The following CFAP97D2 variants were observed in gnomAD, a reference collection of about 807,000 sequenced individuals.
CFAP97D2 encodes CFAP97 domain containing 2, also known as uncharacterized protein CFAP97D2.
At chr13:114,190,313 GAAAAGGAAAT>G (rs1446257216) in intron 1 of CFAP97D2, among the ~76,000 whole-genome samples, 2 of 152,108 alleles carry the variant, frequency 1.3e-5, no homozygotes, top group African/African-American at 4.8e-5. Flanking sequence ...AATAAGGCAA[GAAAAGGAAAT>G]AAAAGATATA....
chr13:114,217,501 G>A (rs925353834), intron 4 of CFAP97D2, among the ~76,000 whole-genome samples: 1 of 152,220 alleles, frequency 6.6e-6, no homozygotes, highest in African/African-American at 2.4e-5. Context: ...TAGAAAAAGT[G>A]GGAATCCTCC....
chr13:114,180,772 A>G (rs1415534665), intron 1 of CFAP97D2, among the ~76,000 whole-genome samples: 1 of 152,184 alleles, frequency 6.6e-6, no homozygotes, highest in Non-Finnish European at 1.5e-5. Context: ...TAGAAACCCC[A>G]TGGGTGTTTT....
chr13:114,209,633 C>T (rs561141486), intron 3 of CFAP97D2, among the ~76,000 whole-genome samples: 41 of 152,288 alleles, frequency 2.7e-4, no homozygotes, highest in African/African-American at 7.9e-4. Context: ...ATTCTGTGCT[C>T]GTTCTGGCTC....
rs372295312 is a variant in CFAP97D2, at chr13:114,203,620, G to T, written c.290+3177G>T. On this transcript the variant is annotated intron_variant, in intron 3 of 4. Transcript: ENST00000646158. The surrounding 1 kb of genome is among the most constrained non-coding windows in gnomAD (Gnocchi z 4.3). ...TGGGTGACAAGGGAAAAAAAGAAAA[G>T]AAAAAGAAAACTCAGCAAAGTGAGA... Among the ~76,000 whole-genome samples, 1 of 152,158 alleles carries T rather than the reference G, an allele frequency of 6.6e-6. No individual in the cohort carries two copies. Among genetic ancestry groups the T allele is most frequent in the Admixed American group, 6.5e-5 (1 of 15,282 alleles).
Position 114,187,997 on chromosome 13 carries a change from G to T in CFAP97D2, c.91-8399G>T, listed in dbSNP as rs1359169049. On this transcript the variant is annotated intron_variant, in intron 1 of 4. Transcript: ENST00000646158. This position sits in a 1 kb window ranked among gnomAD's most constrained non-coding sequence, Gnocchi z 4.2. ...GTGAATATTAAACAACAACAATGGG[G>T]GCTGGGTGCAGTAGCTCACGCCTGT... Among the ~76,000 whole-genome samples, 1 of 152,148 alleles carries T rather than the reference G, an allele frequency of 6.6e-6. No individual in the cohort carries two copies. Among genetic ancestry groups the T allele is most frequent in the African/African-American group, 2.4e-5 (1 of 41,416 alleles).
chr13:114,182,036 C>A (rs973872816), intron 1 of CFAP97D2, among the ~76,000 whole-genome samples: 42 of 152,258 alleles, frequency 2.8e-4, no homozygotes, highest in African/African-American at 5.5e-4. Flanking sequence ...GGGACCGGCG[C>A]TCAGCATACC....
rs980269248 is a variant in CFAP97D2, at chr13:114,189,207, C to T, written c.91-7189C>T. On this transcript the variant is annotated intron_variant, in intron 1 of 4. Coordinates refer to ENST00000646158, the Ensembl canonical transcript of CFAP97D2. This position sits in a 1 kb window ranked among gnomAD's most constrained non-coding sequence, Gnocchi z 4.5. Reference sequence around the variant, plus strand: ...AAGGATAATAAAGGGATACTATGAACAAATTTATGCCCACAAATTTGATAA... The same window carrying T: ...AAGGATAATAAAGGGATACTATGAATAAATTTATGCCCACAAATTTGATAA... Among the ~76,000 whole-genome samples the T allele has an allele frequency of 2.0e-5, 3 of 151,916 alleles. No homozygotes were observed. The highest frequency in any genetic ancestry group is 7.2e-5 in the African/African-American group (3 of 41,380).
At chr13:114,188,883 C>T (rs142678659) in intron 1 of CFAP97D2, among the ~76,000 whole-genome samples, 5 of 149,678 alleles carry the variant, frequency 3.3e-5, no homozygotes, top group East Asian at 1.9e-4. Context: ...AATAGGAACT[C>T]GATAGAGAAA....
chr13:114,197,027 G>T (rs2080890565), intron 2 of CFAP97D2, among the ~76,000 whole-genome samples: 1 of 152,160 alleles, frequency 6.6e-6, no homozygotes, highest in Non-Finnish European at 1.5e-5. Context: ...TAAGACAAGG[G>T]GTTGTGGAGA....
At position 114,179,838 on chromosome 13, in the gene CFAP97D2, T is replaced by C. The variant is rs565615687; in HGVS notation, c.90+418T>C. Among the ~76,000 whole-genome samples, 1 of 152,294 alleles carries C rather than the reference T, an allele frequency of 6.6e-6. No homozygotes were observed. The highest frequency in any genetic ancestry group is 1.9e-4 in the East Asian group (1 of 5,184). On this transcript the variant is annotated intron_variant, in intron 1 of 4. Transcript: ENST00000646158. This position sits in a 1 kb window ranked among gnomAD's most constrained non-coding sequence, Gnocchi z 4.8. ...TTTGTTTTTGAGAGGGATGTTGCCATAGGGGTGTTGCCATGTTGGTCAGGC... is the reference window on the plus strand; with the variant it reads ...TTTGTTTTTGAGAGGGATGTTGCCACAGGGGTGTTGCCATGTTGGTCAGGC...
At chr13:114,223,047 A>G (rs2081027647), downstream of CFAP97D2, 1 of 152,386 alleles carries the variant, frequency 6.6e-6, no homozygotes, top group Admixed American at 6.5e-5. Context: ...ACAAATATCT[A>G]AATAAATCAG....
intron 4 of CFAP97D2, chr13:114,212,318 C>T (rs1480600831): frequency 2.7e-6 from 1 of 369,636 alleles, no homozygotes. Flanking sequence ...CATTTGTTCA[C>T]GAAGTTGAGG....
intron 4 of CFAP97D2, chr13:114,215,836 T>C (rs1450207331): frequency 6.6e-6 from 1 of 152,200 alleles, no homozygotes; most frequent in Non-Finnish European, 1.5e-5. Flanking sequence ...TGAGACGCTT[T>C]CTCCCTCACT....
At position 114,179,626 on chromosome 13, in the gene CFAP97D2, CTT is replaced by C. The variant is rs765746333; in HGVS notation, c.90+217_90+218del. ...AAATAGTTGACGGCTTTCTTTCTTT[CTT>C]TTTTTTTTTTGAGATGACAGCTTTC... On this transcript the variant is annotated intron_variant, in intron 1 of 4. Transcript: ENST00000646158. This position sits in a 1 kb window ranked among gnomAD's most constrained non-coding sequence, Gnocchi z 4.8. Among the ~76,000 whole-genome samples the C allele has an allele frequency of 3.4e-5, 5 of 145,324 alleles. No individual in the cohort carries two copies. Among genetic ancestry groups the C allele is most frequent in the Non-Finnish European group, 1.5e-5 (1 of 65,646 alleles).
rs1299833740 is a variant in CFAP97D2 at position 114,179,853 on chromosome 13, G to A, written c.90+433G>A. Among the ~76,000 whole-genome samples the A allele has an allele frequency of 1.3e-5, 2 of 152,090 alleles. No homozygotes were observed. Among genetic ancestry groups the A allele is most frequent in the African/African-American group, 4.8e-5 (2 of 41,404 alleles). On this transcript the variant is annotated intron_variant, in intron 1 of 4. Transcript: ENST00000646158. This position sits in a 1 kb window ranked among gnomAD's most constrained non-coding sequence, Gnocchi z 4.8. ...GATGTTGCCATAGGGGTGTTGCCAT[G>A]TTGGTCAGGCTAGTCTTGAACTCCT...
intron 3 of CFAP97D2, among the ~76,000 whole-genome samples, chr13:114,204,590 A>C (rs1045908617): frequency 1.3e-5 from 2 of 152,368 alleles, no homozygotes; most frequent in East Asian, 1.9e-4. Context: ...AGGAAAGAAT[A>C]GTCTTTCCAC....
At chr13:114,195,137 C>T (rs1352968595) in intron 1 of CFAP97D2, among the ~76,000 whole-genome samples, 1 of 152,218 alleles carries the variant, frequency 6.6e-6, no homozygotes, top group Non-Finnish European at 1.5e-5. Context: ...GCTGCAGGCC[C>T]AGGTCTCCTC....
chr13:114,207,664 C>T lies in CFAP97D2; in HGVS notation c.291-4248C>T, dbSNP rs1410466029. Among the ~76,000 whole-genome samples the T allele has an allele frequency of 6.6e-6, 1 of 152,208 alleles. No individual in the cohort carries two copies. The highest frequency in any genetic ancestry group is 1.9e-4 in the East Asian group (1 of 5,194). ...TCCCTCGCCTGCTGCTCACCTCCTGCTGTTTGGCCTGGTTCCTAACAGGCC... is the reference window on the plus strand; with the variant it reads ...TCCCTCGCCTGCTGCTCACCTCCTGTTGTTTGGCCTGGTTCCTAACAGGCC... On this transcript the variant is annotated intron_variant, in intron 3 of 4. Coordinates refer to ENST00000646158, the Ensembl canonical transcript of CFAP97D2. The surrounding 1 kb of genome is among the most constrained non-coding windows in gnomAD (Gnocchi z 4.9).
Position 114,222,213 on chromosome 13 carries a change from T to G in CFAP97D2, c.481-285T>G, listed in dbSNP as rs2081025163. On this transcript the variant is annotated intron_variant, in intron 4 of 4. Transcript: ENST00000646158. The surrounding 1 kb of genome is among the most constrained non-coding windows in gnomAD (Gnocchi z 4.4). The stretch of plus-strand genomic sequence containing the variant: ...GGCTGGGGGAAGGGAAATTGGGGAG[T>G]GATCCCAAAGGAGTTTGATTTTTGG... 6.6e-6 allele frequency among the ~76,000 whole-genome samples: 1 copy of G among 151,868 alleles called. No homozygotes were observed. The highest frequency in any genetic ancestry group is 2.4e-5 in the African/African-American group (1 of 41,352).
Sources: allele counts gnomAD v4.1 joint callset (sites outside exome capture counted in the v4.1 genomes callset), GRCh38; gene constraint gnomAD v4.1.1; non-coding constraint Gnocchi (gnomAD v3.1); transcripts MANE v1.5; gene names NCBI Gene and HGNC (gene_info 2026-07-23, HGNC 2026-07-21).